Variants in GPC5 observed in about 807,000 individuals in gnomAD.
GPC5 encodes the protein glypican 5.
GPC5 carries 47 observed loss-of-function variants against 53.9 expected under a neutral mutation model. The ratio of observed to expected loss-of-function variants is 0.87; its 90% confidence interval spans 0.69 to 1.11. The LOEUF (loss-of-function observed/expected upper bound fraction) is 1.11, where lower values mean the gene tolerates loss of function less well. Among genes scored for constraint, GPC5 ranks in the 50% most tolerant of loss-of-function variants. GPC5 has a pLI of 0.00. For missense variants in GPC5, 748 were observed against 713.1 expected, an observed-to-expected ratio of 1.05 and a Z score of -0.56; for synonymous variants, 286 against 263.3, an observed-to-expected ratio of 1.09 and a Z score of -0.84.
chr13:91,578,113 G>A (rs534281342), intron 2 of GPC5, among the ~76,000 whole-genome samples: 3 of 152,254 alleles, frequency 2.0e-5, no homozygotes, highest in African/African-American at 7.2e-5. Context: ...ATGTATCCAG[G>A]GACCAAAGCT....
intron 6 of GPC5, among the ~76,000 whole-genome samples, chr13:92,142,848 A>T (rs985885637): frequency 2.6e-5 from 4 of 152,208 alleles, no homozygotes; most frequent in Non-Finnish European, 4.4e-5. Context: ...CGAGGTCAAA[A>T]GAAAGCAGCA....
At chr13:91,842,307 T>A (rs2038796360) in intron 5 of GPC5, among the ~76,000 whole-genome samples, 1 of 151,464 alleles carries the variant, frequency 6.6e-6, no homozygotes, top group Non-Finnish European at 1.5e-5. Flanking sequence ...ATTAAATATA[T>A]GTTGTCCTTA....
At chr13:91,947,801 G>A (rs2039987450) in intron 6 of GPC5, among the ~76,000 whole-genome samples, 1 of 152,022 alleles carries the variant, frequency 6.6e-6, no homozygotes, top group African/African-American at 2.4e-5. Flanking sequence ...AGAGTTTCCC[G>A]TCCCCCCAAC....
chr13:92,494,113 G>T (rs7984276), intron 7 of GPC5, among the ~76,000 whole-genome samples: 1 of 149,450 alleles, frequency 6.7e-6, no homozygotes, highest in Non-Finnish European at 1.5e-5. Context: ...TTTTTGAGAC[G>T]GAGTCTCGCT....
intron 4 of GPC5, among the ~76,000 whole-genome samples, chr13:91,735,997 G>C (rs1337514951): frequency 6.6e-6 from 1 of 151,324 alleles, no homozygotes; most frequent in Non-Finnish European, 1.5e-5. Flanking sequence ...TGAGATTACA[G>C]AGAAAACACA....
At chr13:92,652,775 C>T (rs1885998571) in intron 7 of GPC5, among the ~76,000 whole-genome samples, 1 of 152,110 alleles carries the variant, frequency 6.6e-6, no homozygotes, top group Middle Eastern at 3.2e-3. Flanking sequence ...GATGCAATCC[C>T]TTATCATCTT....
chr13:92,245,031 C>A (rs1428696049), intron 7 of GPC5, among the ~76,000 whole-genome samples: 1 of 107,414 alleles, frequency 9.3e-6, no homozygotes, highest in Non-Finnish European at 1.9e-5. Context: ...AAGCGAGACT[C>A]CATCTGAAAA....
At chr13:91,980,839 G>A (rs2040350837) in intron 6 of GPC5, among the ~76,000 whole-genome samples, 1 of 152,118 alleles carries the variant, frequency 6.6e-6, no homozygotes, top group Non-Finnish European at 1.5e-5. Context: ...TATGTAAGTG[G>A]GAACGTAGAG....
chr13:92,595,773 A>AAAG (rs1883858842), intron 7 of GPC5, among the ~76,000 whole-genome samples: 1 of 151,238 alleles, frequency 6.6e-6, no homozygotes, highest in South Asian at 2.1e-4. Context: ...GTCTCAAAAA[A>AAAG]AAAAAAAAAA....
chr13:92,453,868 C>T (rs1878162441), intron 7 of GPC5, among the ~76,000 whole-genome samples: 2 of 152,104 alleles, frequency 1.3e-5, no homozygotes. Flanking sequence ...TTCCTTGTTC[C>T]AGCAAGGGCA....
At chr13:92,765,525 G>A (rs9561143) in intron 7 of GPC5, among the ~76,000 whole-genome samples, 4,866 of 152,262 alleles carry the variant, frequency 0.032, 333 homozygotes, top group East Asian at 0.28. Flanking sequence ...GGTGTGACAC[G>A]GAGTGAGTGA....
chr13:92,226,141 TC>T (rs923138135), intron 7 of GPC5, among the ~76,000 whole-genome samples: 1 of 152,156 alleles, frequency 6.6e-6, no homozygotes, highest in Non-Finnish European at 1.5e-5. Flanking sequence ...GTGCCTTGCT[TC>T]CCCTTTGCCT....
chr13:92,022,382 A>G (rs1594728639), intron 6 of GPC5, among the ~76,000 whole-genome samples: 1 of 152,160 alleles, frequency 6.6e-6, no homozygotes, highest in Non-Finnish European at 1.5e-5. Flanking sequence ...TACTAAAAGT[A>G]AAAATAACAT....
intron 6 of GPC5, among the ~76,000 whole-genome samples, chr13:91,944,350 C>A (rs111424112): frequency 6.6e-6 from 1 of 152,140 alleles, no homozygotes; most frequent in Non-Finnish European, 1.5e-5. Flanking sequence ...CCCGCTTCAG[C>A]CTCCCAAAGT....
Position 91,756,279 on chromosome 13 carries a change from T to G in GPC5, c.1155-16T>G, listed in dbSNP as rs772439967. Reference sequence around the variant, plus strand: ...GGATGTTTGGTTTTAATTGTTTTCTTTCTTCTTTCATTTAGAGAATTTATC... The same window carrying G: ...GGATGTTTGGTTTTAATTGTTTTCTGTCTTCTTTCATTTAGAGAATTTATC... On this transcript the variant is annotated splice_polypyrimidine_tract_variant and intron_variant, in intron 4 of 7. Transcript: ENST00000377067. 9 of 1,472,310 alleles carry G rather than the reference T, an allele frequency of 6.1e-6. No homozygotes were observed. Among genetic ancestry groups the G allele is most frequent in the Non-Finnish European group, 7.3e-6 (8 of 1,095,740 alleles). The allele number at this position is 1,472,310 out of a possible 1,614,324, so 91.2% of individuals were successfully genotyped here.
At chr13:91,459,659 T>A (rs962822997) in intron 2 of GPC5, among the ~76,000 whole-genome samples, 1 of 152,042 alleles carries the variant, frequency 6.6e-6, no homozygotes, top group Non-Finnish European at 1.5e-5. Flanking sequence ...TCCAGAGTTC[T>A]CAAAGAAAGG....
At chr13:92,722,598 CT>C (rs1316509236) in intron 7 of GPC5, among the ~76,000 whole-genome samples, 1 of 151,688 alleles carries the variant, frequency 6.6e-6, no homozygotes, top group East Asian at 1.9e-4. Context: ...CACCTATTAT[CT>C]TTTTTAAAAA....
At chr13:91,525,263 TAATA>T (rs1398627604) in intron 2 of GPC5, among the ~76,000 whole-genome samples, 2 of 152,226 alleles carry the variant, frequency 1.3e-5, no homozygotes, top group Admixed American at 6.5e-5. Context: ...CTGAAAGATT[TAATA>T]AATTATGTAA....
chr13:92,842,697 T>C (rs1878471784), intron 7 of GPC5, among the ~76,000 whole-genome samples: 1 of 151,660 alleles, frequency 6.6e-6, no homozygotes, highest in Non-Finnish European at 1.5e-5. Context: ...GATTAAGGTT[T>C]ACTGTGAATT....
Sources: gnomAD v4.1 joint callset for allele counts (sites outside exome capture counted in the v4.1 genomes callset) on GRCh38, gnomAD v4.1.1 for gene constraint, MANE v1.5 for transcripts, NCBI Gene and HGNC (gene_info 2026-07-23, HGNC 2026-07-21) for gene names.